SLC12A8: variants seen among roughly 807,000 people sequenced by gnomAD.
SLC12A8 encodes cation-chloride cotransporter 9.
SLC12A8 carries 69 observed loss-of-function variants against 75.6 expected under a neutral mutation model. The ratio of observed to expected loss-of-function variants is 0.91; its 90% CI spans 0.75 to 1.11. SLC12A8 has a LOEUF of 1.11. SLC12A8 is among the 50% of genes most tolerant of loss of function. The probability of loss-of-function intolerance (pLI) is 0.00; values close to 1 mark genes in which losing one functional copy is unlikely to be tolerated. For missense variants in SLC12A8, 877 were observed against 896.7 expected, an observed-to-expected ratio of 0.98 and a Z score of 0.28; for synonymous variants, 365 against 372.8, an observed-to-expected ratio of 0.98 and a Z score of 0.24.
At chr3:125,178,492 C>G (rs1934586518) in intron 4 of SLC12A8, among the ~76,000 whole-genome samples, 2 of 152,234 alleles carry the variant, frequency 1.3e-5, no homozygotes, top group South Asian at 2.1e-4. Context: ...GTGGCAAAGG[C>G]TACCCAAGGA....
At chr3:125,159,969 T>G (rs1417549071) in intron 5 of SLC12A8, among the ~76,000 whole-genome samples, 1 of 152,208 alleles carries the variant, frequency 6.6e-6, no homozygotes, top group Non-Finnish European at 1.5e-5. Context: ...TCTTTCTTTC[T>G]TTTTTAGGGT....
At chr3:125,096,411 A>G (rs1183141502) in intron 10 of SLC12A8, among the ~76,000 whole-genome samples, 6 of 152,182 alleles carry the variant, frequency 3.9e-5, no homozygotes, top group Non-Finnish European at 7.3e-5. Context: ...TGTAAGCTCT[A>G]CAACAGCAAA....
At chr3:125,180,031 T>C (rs547031044) in intron 4 of SLC12A8, among the ~76,000 whole-genome samples, 10 of 116,734 alleles carry the variant, frequency 8.6e-5, no homozygotes. Flanking sequence ...TCCAAACTGT[T>C]TTTTTTTTCC....
intron 10 of SLC12A8, among the ~76,000 whole-genome samples, chr3:125,103,390 T>C (rs1012298372): frequency 6.7e-6 from 1 of 149,114 alleles, no homozygotes; most frequent in Non-Finnish European, 1.5e-5. Flanking sequence ...TATTCTACAG[T>C]AAGGTGCCCC....
intron 6 of SLC12A8, chr3:125,123,714 T>C (rs537023711): frequency 6.6e-6 from 1 of 152,184 alleles, no homozygotes; most frequent in Non-Finnish European, 1.5e-5. Flanking sequence ...CTCACCCTCA[T>C]GATTCAATTC....
chr3:125,156,580 G>T (rs1015558048), intron 5 of SLC12A8, among the ~76,000 whole-genome samples: 2 of 152,178 alleles, frequency 1.3e-5, no homozygotes, highest in African/African-American at 4.8e-5. Flanking sequence ...CGATGGCGGT[G>T]GTGGACCAAA....
intron 6 of SLC12A8, among the ~76,000 whole-genome samples, chr3:125,126,248 G>A (rs1008213455): frequency 6.6e-6 from 1 of 152,182 alleles, no homozygotes; most frequent in Non-Finnish European, 1.5e-5. Flanking sequence ...AGGTTTATGA[G>A]GCTACACCTC....
chr3:125,141,586 G>C (rs1032604208), intron 5 of SLC12A8, among the ~76,000 whole-genome samples: 1 of 152,204 alleles, frequency 6.6e-6, no homozygotes, highest in Non-Finnish European at 1.5e-5. Context: ...AGAGGGAGTC[G>C]GGAAGTCATA....
In SLC12A8 at chr3:125,190,399, G is replaced by A. The variant is rs766364982; in HGVS notation, c.174C>T (p.Leu58=). The change falls in exon 3 of 14, where the codon CTC becomes CTT. Residue 58 remains leucine (L), a synonymous_variant. Coordinates refer to ENST00000469902, the MANE Select transcript of SLC12A8 (RefSeq NM_024628.6). ...CCACCAGCCAGCCAGTCCTCAGGAAGAGCACAACCCCAAAGATGTTGATCA... is the reference window on the plus strand; with the variant it reads ...CCACCAGCCAGCCAGTCCTCAGGAAAAGCACAACCCCAAAGATGTTGATCA... The part of the protein sequence containing the change: ...SCMINIFGVV[L]FLRTGWLVGN... The A allele has an allele frequency of 3.7e-6, 6 of 1,614,226 alleles. No individual in the cohort carries two copies. The highest frequency in any genetic ancestry group is 1.1e-5 in the South Asian group (1 of 91,080).
chr3:125,194,489 G>A (rs2107798497), intron 2 of SLC12A8, among the ~76,000 whole-genome samples: 1 of 152,302 alleles, frequency 6.6e-6, no homozygotes, highest in South Asian at 2.1e-4. Context: ...TTGCACCTGA[G>A]TAGGAAATAC....
chr3:125,116,495 C>T (rs1192093240), intron 8 of SLC12A8, among the ~76,000 whole-genome samples: 1 of 152,172 alleles, frequency 6.6e-6, no homozygotes, highest in East Asian at 1.9e-4. Flanking sequence ...ACAGGAGGCT[C>T]CCCCGGTTTG....
At chr3:125,182,806 T>TGCAAGCTTTTAAAATCATTAC (rs1270608889) in intron 4 of SLC12A8, among the ~76,000 whole-genome samples, 2 of 152,320 alleles carry the variant, frequency 1.3e-5, no homozygotes, top group East Asian at 3.9e-4. Context: ...GCGCCTGGCC[T>TGCAAGCTTTTAAAATCATTAC]TGGCCTTGTC....
At chr3:125,149,771 A>C (rs1933873453) in intron 5 of SLC12A8, among the ~76,000 whole-genome samples, 1 of 152,014 alleles carries the variant, frequency 6.6e-6, no homozygotes, top group South Asian at 2.1e-4. Context: ...AGAGAGACAA[A>C]AGGATTGGGG....
intron 5 of SLC12A8, among the ~76,000 whole-genome samples, chr3:125,136,393 A>G (rs986192678): frequency 6.6e-6 from 1 of 152,122 alleles, no homozygotes; most frequent in Non-Finnish European, 1.5e-5. Context: ...CCAACTCTTC[A>G]AGCTCAGCCC....
At chr3:125,137,877 C>T (rs1337480533) in intron 5 of SLC12A8, among the ~76,000 whole-genome samples, 3 of 152,126 alleles carry the variant, frequency 2.0e-5, no homozygotes, top group African/African-American at 7.2e-5. Context: ...AGAAATGCAG[C>T]CCTGCCACAT....
At chr3:125,088,918 C>A (rs778050866) in intron 12 of SLC12A8, among the ~76,000 whole-genome samples, 2 of 152,012 alleles carry the variant, frequency 1.3e-5, no homozygotes, top group Admixed American at 6.6e-5. Context: ...TTGATTCTAG[C>A]CAAATAATCC....
At chr3:125,135,845 G>T in intron 5 of SLC12A8, 63 bp from the exon 6 acceptor site, 1 of 926,910 alleles carries the variant, frequency 1.1e-6, no homozygotes. Context: ...CATTTCCCTA[G>T]ATTATGGTAC....
chr3:125,120,033 GGAA>G (rs1256439519), intron 7 of SLC12A8: 2 of 382,498 alleles, frequency 5.2e-6, no homozygotes, highest in Admixed American at 3.2e-5. Flanking sequence ...GCTCACTGGG[GGAA>G]GAAGAAGAGC....
intron 4 of SLC12A8, among the ~76,000 whole-genome samples, chr3:125,184,204 C>T (rs1185574511): frequency 1.3e-5 from 2 of 152,070 alleles, no homozygotes; most frequent in Non-Finnish European, 2.9e-5. Context: ...CTCCTGACCT[C>T]AGGTGATCCA....
Sources: gnomAD v4.1 joint callset for allele counts (sites outside exome capture counted in the v4.1 genomes callset) on GRCh38, gnomAD v4.1.1 for gene constraint, MANE v1.5 for transcripts, NCBI Gene and HGNC (gene_info 2026-07-23, HGNC 2026-07-21) for gene names.